The following RPL35A variants were observed in gnomAD, a reference collection of about 807,000 sequenced individuals.
RPL35A encodes large ribosomal subunit protein eL33.
In RPL35A, 1 loss-of-function variant was observed where a neutral mutation model predicts 16.7. That is an observed-to-expected ratio of 0.06 (90% CI 0.02 to 0.28). The LOEUF (loss-of-function observed/expected upper bound fraction) is 0.28. Among genes scored for constraint, RPL35A ranks in the 10% least tolerant of loss-of-function variants. The pLI, the probability that RPL35A is intolerant of heterozygous loss-of-function variation, is 1.00. For synonymous variants in RPL35A, 58 were observed against 47.0 expected (o/e 1.23, Z -0.96); for missense variants, 91 against 138.7 (o/e 0.66, Z 1.73).
At chr3:197,950,416 T>G in intron 1 of RPL35A, 195 bp downstream of exon 1, 1 of 962,736 alleles carries the variant, frequency 1.0e-6, no homozygotes, top group Non-Finnish European at 1.3e-6. Context: ...GGAGAACGGC[T>G]GCCCGGGTTA....
Position 197,956,099 on chromosome 3 carries a change from G to A in RPL35A, c.*326G>A. 3.1e-6 allele frequency: 1 copy of A among 322,130 alleles called. No individual in the cohort carries two copies. The highest frequency in any genetic ancestry group is 6.0e-6 in the Non-Finnish European group (1 of 167,600). The allele number at this position is 322,130 out of a possible 1,614,324, so 20.0% of individuals were successfully genotyped here. A position where few individuals can be genotyped will look rare whatever the true frequency, so the allele number is the denominator to read the frequency against. ...GGCCTTTGAAGTAGCTGGGACCACAGGCTCATGCCACCATCCCTGGGTCAT... is the reference window on the plus strand; with the variant it reads ...GGCCTTTGAAGTAGCTGGGACCACAAGCTCATGCCACCATCCCTGGGTCAT... On this transcript the variant is annotated 3_prime_UTR_variant, in exon 5 of 5. Transcript: ENST00000647248.
intron 4 of RPL35A, among the ~76,000 whole-genome samples, chr3:197,955,293 A>C (rs922462129): frequency 6.6e-6 from 1 of 150,724 alleles, no homozygotes; most frequent in African/African-American, 2.4e-5. Context: ...TTTTGAGACC[A>C]GAGTCTCATT....
intron 4 of RPL35A, among the ~76,000 whole-genome samples, chr3:197,954,939 C>T (rs1237840152): frequency 6.6e-6 from 1 of 152,182 alleles, no homozygotes; most frequent in Non-Finnish European, 1.5e-5. Flanking sequence ...CTTGTTAGAA[C>T]AGGTGTTAGT....
rs555712690 is a variant in RPL35A, at chr3:197,951,088, G to A, written c.12-71G>A. On this transcript the variant is annotated intron_variant, in intron 2 of 4. Transcript: ENST00000647248. ...GATGTTTGCTCTGAGTAACTTTTGG[G>A]TGGGGGTGATTACAAGTCAGATTGG... 65 of 1,607,802 alleles carry A rather than the reference G, an allele frequency of 4.0e-5. 1 individual carries two copies. The Admixed American group carries it at 6.5e-4, about 16-fold the overall frequency.
At position 197,955,843 on chromosome 3, in the gene RPL35A, T is replaced by A; in HGVS notation, c.*70T>A. On this transcript the variant is annotated 3_prime_UTR_variant, in exon 5 of 5. Transcript: ENST00000647248. ...TTTTTAAGTGGATTAAAAAACTTACTACCTTAAATTGATTTGCTACATGCT... is the reference window on the plus strand; with the variant it reads ...TTTTTAAGTGGATTAAAAAACTTACAACCTTAAATTGATTTGCTACATGCT... 1 of 1,259,138 alleles carries A rather than the reference T, an allele frequency of 7.9e-7. No homozygotes were observed. Among genetic ancestry groups the A allele is most frequent in the Non-Finnish European group, 1.2e-6 (1 of 860,108 alleles). 78.0% of individuals were successfully genotyped at this position (1,259,138 alleles called of 1,614,324 possible). A position where few individuals can be genotyped will look rare whatever the true frequency, so the allele number is the denominator to read the frequency against.
At chr3:197,951,044 A>G in intron 2 of RPL35A, 66 bp downstream of exon 2, 1 of 1,605,062 alleles carries the variant, frequency 6.2e-7, no homozygotes, top group Non-Finnish European at 8.5e-7. Flanking sequence ...CGAGCTTAAA[A>G]TTGGCAAGAA....
intron 3 of RPL35A, among the ~76,000 whole-genome samples, chr3:197,953,298 G>A (rs932016626): frequency 6.6e-6 from 1 of 152,194 alleles, no homozygotes; most frequent in Non-Finnish European, 1.5e-5. Context: ...ATTGCTTGAT[G>A]CCAGGAGATA....
At position 197,954,336 on chromosome 3, in the gene RPL35A, GT is replaced by G. The variant is rs112330576; in HGVS notation, c.309+199del. The G allele has an allele frequency of 4.0e-3, 2,246 of 556,940 alleles. 19 individuals are homozygous for G. The highest frequency in any genetic ancestry group is 0.025 in the African/African-American group (1,284 of 51,060). The allele number at this position is 556,940 out of a possible 1,614,324, so 34.5% of individuals were successfully genotyped here. A position where few individuals can be genotyped will look rare whatever the true frequency, so the allele number is the denominator to read the frequency against. ...TTAGGTGTTTGGTTGTTTGTTTTTT[GT>G]TTTTTTTTTGGGGGGAGACAGGGTC... is the stretch of plus-strand genomic sequence containing the variant. On this transcript the variant is annotated intron_variant, in intron 4 of 4. Coordinates refer to ENST00000647248, the MANE Select transcript of RPL35A (RefSeq NM_000996.4).
chr3:197,952,162 G>GGTTTT (rs1553810814), intron 3 of RPL35A, among the ~76,000 whole-genome samples: 1 of 83,860 alleles, frequency 1.2e-5, no homozygotes, highest in African/African-American at 5.2e-5. Context: ...AAAATTATGG[G>GGTTTT]TTTTTTTTTT....
intron 4 of RPL35A, among the ~76,000 whole-genome samples, chr3:197,955,413 C>A (rs1335926024): frequency 6.6e-6 from 1 of 151,258 alleles, no homozygotes; most frequent in Admixed American, 6.6e-5. Context: ...TAGGCACGTA[C>A]CACCATGCCC....
rs1184347152 is a variant in RPL35A, at chr3:197,950,233, G to A, written c.-33+12G>A. On this transcript the variant is annotated intron_variant, in intron 1 of 4. Transcript: ENST00000647248. ...TGGCTCCTGTGGAGGTGAGTGAAGGGTCTGCTGCTGAAATTTGGGGGCAAA... is the reference window on the plus strand; with the variant it reads ...TGGCTCCTGTGGAGGTGAGTGAAGGATCTGCTGCTGAAATTTGGGGGCAAA... The A allele has an allele frequency of 1.6e-6, 2 of 1,230,992 alleles. No individual in the cohort carries two copies. The highest frequency in any genetic ancestry group is 2.0e-6 in the Non-Finnish European group (2 of 987,826). 76.3% of individuals were successfully genotyped at this position (1,230,992 alleles called of 1,614,324 possible).
intron 4 of RPL35A, chr3:197,954,357 A>G (rs1720365776): frequency 3.3e-6 from 2 of 604,096 alleles, no homozygotes; most frequent in East Asian, 5.8e-5. Context: ...GGGGGGAGAC[A>G]GGGTCTCACT....
intron 4 of RPL35A, 200 bp downstream of exon 4, chr3:197,954,347 G>A (rs1377242401): frequency 3.3e-6 from 2 of 599,336 alleles, no homozygotes; most frequent in Non-Finnish European, 5.9e-6. Context: ...TTTTTTTTTT[G>A]GGGGGAGACA....
At position 197,956,031 on chromosome 3, in the gene RPL35A, C is replaced by A; in HGVS notation, c.*258C>A. On this transcript the variant is annotated 3_prime_UTR_variant, in exon 5 of 5. Transcript: ENST00000647248. ...TTGCCCATGCTGGAGTGTAGTGGTG[C>A]TCGCTGCAGCCTCACATTCAAAGGC... 2.1e-6 allele frequency: 1 copy of A among 466,934 alleles called. No individual in the cohort carries two copies. Among genetic ancestry groups the A allele is most frequent in the Non-Finnish European group, 3.9e-6 (1 of 253,732 alleles). The allele number at this position is 466,934 out of a possible 1,614,324, so 28.9% of individuals were successfully genotyped here.
chr3:197,953,615 C>G (rs1487411596), intron 3 of RPL35A: 2 of 458,090 alleles, frequency 4.4e-6, no homozygotes, highest in Non-Finnish European at 8.8e-6. Context: ...AGTCTTTGTT[C>G]CATGGTCACC....
chr3:197,956,064 A>G lies in RPL35A; in HGVS notation c.*291A>G, dbSNP rs941323527. 4.4e-5 allele frequency: 18 copies of G among 404,968 alleles called. No homozygotes were observed. Among genetic ancestry groups the G allele is most frequent in the African/African-American group, 1.2e-4 (6 of 48,930 alleles). 25.1% of individuals were successfully genotyped at this position (404,968 alleles called of 1,614,324 possible). Reference sequence around the variant, plus strand: ...AGCCTCACATTCAAAGGCTCAAGCAATCCTCCCTTGGCCTTTGAAGTAGCT... The same window carrying G: ...AGCCTCACATTCAAAGGCTCAAGCAGTCCTCCCTTGGCCTTTGAAGTAGCT... On this transcript the variant is annotated 3_prime_UTR_variant, in exon 5 of 5. Transcript: ENST00000647248.
chr3:197,955,202 CAG>C (rs1451055952), intron 4 of RPL35A, among the ~76,000 whole-genome samples: 1 of 152,070 alleles, frequency 6.6e-6, no homozygotes, highest in East Asian at 1.9e-4. Flanking sequence ...GGTTTATCAA[CAG>C]AGGAGGCTTT....
intron 1 of RPL35A, 130 bp downstream of exon 1, chr3:197,950,351 G>C: frequency 3.3e-6 from 4 of 1,222,500 alleles, no homozygotes; most frequent in Non-Finnish European, 4.1e-6. Context: ...TTCAAGAAGA[G>C]GGAGAACAGG....
chr3:197,955,387 T>C (rs1334776175), intron 4 of RPL35A, among the ~76,000 whole-genome samples: 1 of 146,734 alleles, frequency 6.8e-6, no homozygotes, highest in Non-Finnish European at 1.5e-5. Context: ...CTCAGCCTCC[T>C]GCGTAGCTGG....
Sources: gnomAD v4.1 joint callset for allele counts (sites outside exome capture counted in the v4.1 genomes callset) on GRCh38, gnomAD v4.1.1 for gene constraint, MANE v1.5 for transcripts, NCBI Gene and HGNC (gene_info 2026-07-23, HGNC 2026-07-21) for gene names.